Variants in COPZ2 observed in about 807,000 individuals in gnomAD.
COPZ2 encodes the protein coat protein complex I subunit zeta 2.
Under a neutral mutation model 33.2 loss-of-function variants are expected in COPZ2, and 30 were observed. The ratio of observed to expected loss-of-function variants is 0.90; its 90% CI spans 0.68 to 1.23. The LOEUF (loss-of-function observed/expected upper bound fraction) is 1.23, where lower values mean the gene tolerates loss of function less well. Among genes scored for constraint, COPZ2 ranks in the 50% most tolerant of loss-of-function variants. COPZ2 has a pLI of 0.00. For synonymous variants in COPZ2, 89 were observed against 102.6 expected, an observed-to-expected ratio of 0.87 and a Z score of 0.80; for missense variants, 263 against 262.4, an observed-to-expected ratio of 1.00 and a Z score of -0.02.
At chr17:48,034,619 A>G (rs1216297065) in intron 2 of COPZ2, among the ~76,000 whole-genome samples, 1 of 152,136 alleles carries the variant, frequency 6.6e-6, no homozygotes, top group Non-Finnish European at 1.5e-5. Context: ...CTTCTTAAAC[A>G]ATAATAATGA....
At chr17:48,027,532 T>G (rs2036834029) in intron 8 of COPZ2, 1 of 152,220 alleles carries the variant, frequency 6.6e-6, no homozygotes, top group South Asian at 2.1e-4. Context: ...TCTGCTCTGC[T>G]TATTACTCCC....
chr17:48,033,254 A>C lies in COPZ2; in HGVS notation c.317T>G (p.Ile106Ser), dbSNP rs546983859. The C allele has an allele frequency of 5.1e-5, 83 of 1,613,474 alleles. No individual in the cohort carries two copies. In the Middle Eastern group the frequency reaches 6.6e-4, roughly 13 times the overall value. The change falls in exon 4 of 9, where the codon ATT becomes AGT. Residue 106 changes from isoleucine to serine, a missense_variant. By Grantham distance (142) the Ile-to-Ser change is moderately radical. Coordinates refer to ENST00000621465, the MANE Select transcript of COPZ2 (RefSeq NM_016429.4). ...GGMTIVYKNS[I>S]DLFLYVVGSS... ...GCCCACCACGTATAGGAAGAGGTCA[A>C]TGCTGTTCTTGTAGACGATGGTCAT...
chr17:48,026,777 C>T (rs2036823724), intron 8 of COPZ2, among the ~76,000 whole-genome samples: 2 of 152,254 alleles, frequency 1.3e-5, no homozygotes, highest in Non-Finnish European at 2.9e-5. Flanking sequence ...TGAGAGTTCC[C>T]GCCCACAGTG....
chr17:48,035,352 T>C (rs577646571), intron 2 of COPZ2, among the ~76,000 whole-genome samples: 1 of 152,302 alleles, frequency 6.6e-6, no homozygotes, highest in African/African-American at 2.4e-5. Context: ...CGCTGCTTAT[T>C]TGAATTTCAT....
rs1362126187 is a variant in COPZ2 at position 48,037,278 on chromosome 17, C to G, written c.112-353G>C. 3 of 539,464 alleles carry G rather than the reference C, an allele frequency of 5.6e-6. No individual in the cohort carries two copies. The highest frequency in any genetic ancestry group is 1.1e-5 in the Non-Finnish European group (3 of 276,072). The allele number at this position is 539,464 out of a possible 1,614,324, so 33.4% of individuals were successfully genotyped here. A position where few individuals can be genotyped will look rare whatever the true frequency, so the allele number is the denominator to read the frequency against. ...CCGAGCCTCCTTCTTCCAGCTGATC[C>G]CTGGCCGGGCTGGACCTGCGCTATC... On this transcript the variant is annotated intron_variant, in intron 1 of 8. Coordinates refer to ENST00000621465, the MANE Select transcript of COPZ2 (RefSeq NM_016429.4). This position sits in a 1 kb window ranked among gnomAD's most constrained non-coding sequence, Gnocchi z 5.6.
At chr17:48,041,503 A>G (rs570316015), upstream of COPZ2, among the ~76,000 whole-genome samples, 5 of 152,314 alleles carry the variant, frequency 3.3e-5, no homozygotes, top group South Asian at 1.0e-3. Flanking sequence ...ACATTTGAAC[A>G]AAGAGCTAAA....
At chr17:48,044,286 G>A in the COPZ2 span, among the ~76,000 whole-genome samples, 4 of 151,964 alleles carry the variant, frequency 2.6e-5, no homozygotes, top group Non-Finnish European at 4.4e-5. Flanking sequence ...GGCAGAGGTT[G>A]CAGTGAGCTG....
chr17:48,035,684 A>G (rs1025028047), intron 2 of COPZ2, among the ~76,000 whole-genome samples: 23 of 151,848 alleles, frequency 1.5e-4, no homozygotes, highest in African/African-American at 5.6e-4. Context: ...TCGGCCTCCC[A>G]AAGTACTGGG....
chr17:48,028,615 G>T lies in COPZ2; in HGVS notation c.547-105C>A. On this transcript the variant is annotated intron_variant, in intron 7 of 8. Transcript: ENST00000621465. The surrounding 1 kb of genome is among the most constrained non-coding windows in gnomAD (Gnocchi z 4.5). ...GGGGTATGGGTGAGGTGGTGCAGTG[G>T]TTAGGGTGATTCAGAGCTGCACCTG... 9.5e-7 allele frequency: 1 copy of T among 1,053,532 alleles called. No individual in the cohort carries two copies. The highest frequency in any genetic ancestry group is 1.4e-6 in the Non-Finnish European group (1 of 712,682). 65.3% of individuals were successfully genotyped at this position (1,053,532 alleles called of 1,614,324 possible).
At chr17:48,043,373 T>C in the COPZ2 span, among the ~76,000 whole-genome samples, 32 of 150,510 alleles carry the variant, frequency 2.1e-4, 1 homozygote, top group Admixed American at 1.3e-3. Flanking sequence ...ATTTCTGTGC[T>C]GTCTGTCCTA....
At chr17:48,035,253 G>A (rs1425192776) in intron 2 of COPZ2, among the ~76,000 whole-genome samples, 1 of 152,210 alleles carries the variant, frequency 6.6e-6, no homozygotes, top group Non-Finnish European at 1.5e-5. Context: ...CTGGGGCAAG[G>A]TGTGGTCAGC....
upstream of COPZ2, among the ~76,000 whole-genome samples, chr17:48,039,818 G>A (rs1240583358): frequency 6.6e-6 from 1 of 152,058 alleles, no homozygotes; most frequent in Admixed American, 6.6e-5. Context: ...ATAGTTCACC[G>A]CAGCCTCAAA....
At chr17:48,029,869 G>A (rs987298336) in intron 6 of COPZ2, among the ~76,000 whole-genome samples, 4 of 152,060 alleles carry the variant, frequency 2.6e-5, no homozygotes, top group Non-Finnish European at 4.4e-5. Context: ...TTGGGAGGGT[G>A]AGGCAGGAGA....
chr17:48,036,861 A>G lies in COPZ2; in HGVS notation c.176T>C (p.Leu59Pro), dbSNP rs1598265131. 1 of 1,613,574 alleles carries G rather than the reference A, an allele frequency of 6.2e-7. No individual in the cohort carries two copies. The change falls in exon 2 of 9, where the codon CTG (leucine) becomes CCG (proline). Residue 59 changes from leucine to proline, a missense_variant. Leu to Pro is a moderately conservative substitution (Grantham distance 98). Transcript: ENST00000621465. ...GGGGTCAGAGGTTACCTTGGCCAGC[A>G]GCCGGCGCCCGTCATTATCTAGGAT... ...VFILDNDGRR[L>P]LAKYYDDTFP...
At chr17:48,041,341 C>T (rs939971325), upstream of COPZ2, among the ~76,000 whole-genome samples, 4 of 151,984 alleles carry the variant, frequency 2.6e-5, no homozygotes, top group East Asian at 7.7e-4. Context: ...ATATAATACA[C>T]AAATAAATGG....
At chr17:48,036,672 T>C (rs957706193) in intron 2 of COPZ2, among the ~76,000 whole-genome samples, 179 bp downstream of exon 2, 1 of 152,018 alleles carries the variant, frequency 6.6e-6, no homozygotes, top group African/African-American at 2.4e-5. Flanking sequence ...TGAGTAGAAA[T>C]AGAGGAGACC....
At chr17:48,044,402 GCTTT>G in the COPZ2 span, among the ~76,000 whole-genome samples, 1 of 90,448 alleles carries the variant, frequency 1.1e-5, no homozygotes, top group Non-Finnish European at 2.2e-5. Context: ...ACAATCTTTT[GCTTT>G]TTTTTTTTTT....
At chr17:48,035,669 C>T (rs899697909) in intron 2 of COPZ2, among the ~76,000 whole-genome samples, 1 of 152,156 alleles carries the variant, frequency 6.6e-6, no homozygotes, top group African/African-American at 2.4e-5. Flanking sequence ...AGCAGTCCAC[C>T]CGCCTCGGCC....
At chr17:48,035,552 C>T (rs1250754993) in intron 2 of COPZ2, among the ~76,000 whole-genome samples, 2 of 151,902 alleles carry the variant, frequency 1.3e-5, no homozygotes, top group African/African-American at 2.4e-5. Flanking sequence ...CACACCACCA[C>T]GCCCGGCTAA....
Sources: gnomAD v4.1 joint callset for allele counts (sites outside exome capture counted in the v4.1 genomes callset) on GRCh38, gnomAD v4.1.1 for gene constraint, Gnocchi (gnomAD v3.1) non-coding constraint, MANE v1.5 for transcripts, NCBI Gene and HGNC (gene_info 2026-07-23, HGNC 2026-07-21) for gene names.